ROBO2: variants seen among roughly 807,000 people sequenced by gnomAD.
ROBO2 encodes roundabout homolog 2.
In ROBO2, 53 loss-of-function variants were observed where a neutral mutation model predicts 160.8. That is an observed-to-expected ratio of 0.33 (90% CI 0.26 to 0.41). The LOEUF (loss-of-function observed/expected upper bound fraction) is 0.41. Among genes scored for constraint, ROBO2 ranks in the 10% least tolerant of loss-of-function variants. The pLI is 1.00. For missense variants in ROBO2, 1,577 were observed against 1,722.4 expected (o/e 0.92, Z 1.49); for synonymous variants, 664 against 611.7 (o/e 1.09, Z -1.26).
chr3:77,553,866 C>A (rs1362355846), intron 8 of ROBO2, among the ~76,000 whole-genome samples: 1 of 139,510 alleles, frequency 7.2e-6, no homozygotes, highest in Admixed American at 7.6e-5. Context: ...GGTAAAGCAT[C>A]AAGGGCTAAT....
rs139205125 is a variant in ROBO2, at chr3:76,223,045, G to A, written c.109+285443G>A. 5.3e-4 allele frequency among the ~76,000 whole-genome samples: 80 copies of A among 151,694 alleles called. No individual in the cohort carries two copies. The East Asian group carries it at 6.3e-3, about 12-fold the overall frequency. ...GCTGGTATTTCAGGCATGCGCCACCGCACGCAGCCCTTATCCCACAGTCTT... is the reference window on the plus strand; with the variant it reads ...GCTGGTATTTCAGGCATGCGCCACCACACGCAGCCCTTATCCCACAGTCTT... On this transcript the variant is annotated intron_variant, in intron 2 of 26. Coordinates refer to the ROBO2 transcript ENST00000487694.
intron 2 of ROBO2, among the ~76,000 whole-genome samples, chr3:76,045,318 ATTG>A (rs2067413077): frequency 6.6e-6 from 1 of 151,878 alleles, no homozygotes; most frequent in Non-Finnish European, 1.5e-5. Flanking sequence ...ATTTATTTTT[ATTG>A]TTGTGTTTTA....
chr3:77,357,019 C>T (rs893052213), intron 2 of ROBO2, among the ~76,000 whole-genome samples: 1 of 152,126 alleles, frequency 6.6e-6, no homozygotes, highest in Non-Finnish European at 1.5e-5. Flanking sequence ...GAACAGGGTG[C>T]TACCGTTGTG....
intron 2 of ROBO2, among the ~76,000 whole-genome samples, chr3:76,057,636 C>T (rs1317935996): frequency 1.3e-5 from 2 of 152,060 alleles, no homozygotes; most frequent in African/African-American, 4.8e-5. Flanking sequence ...TGGAGTAGAA[C>T]AGATTTATAG....
intron 2 of ROBO2, among the ~76,000 whole-genome samples, chr3:76,707,741 A>G (rs866175649): frequency 0.046 from 6,559 of 143,246 alleles, 457 homozygotes; most frequent in African/African-American, 0.15. Context: ...GTATATATAT[A>G]TATATATATA....
Position 76,907,907 on chromosome 3 carries a change from T to C in ROBO2, c.110-190107T>C, listed in dbSNP as rs2075722247. ...CAGGCTGCAGTGCACTGGCACGACC[T>C]CAGGTCACTATAACCTCCACCTCCC... is the stretch of plus-strand genomic sequence containing the variant. On this transcript the variant is annotated intron_variant, in intron 2 of 26. Transcript: ENST00000487694. Among the ~76,000 whole-genome samples the C allele has an allele frequency of 2.0e-5, 3 of 151,404 alleles. No individual in the cohort carries two copies. In the South Asian group the frequency reaches 6.3e-4, roughly 32 times the overall value.
intron 2 of ROBO2, among the ~76,000 whole-genome samples, chr3:76,381,581 C>A (rs1383717725): frequency 6.6e-6 from 1 of 152,104 alleles, no homozygotes; most frequent in Non-Finnish European, 1.5e-5. Context: ...AATCTCCTGA[C>A]TTCATGATCC....
chr3:76,518,154 A>G (rs2081429242), intron 2 of ROBO2, among the ~76,000 whole-genome samples: 1 of 152,144 alleles, frequency 6.6e-6, no homozygotes, highest in African/African-American at 2.4e-5. Flanking sequence ...AAACAGAAAC[A>G]ATAATGACAC....
chr3:76,407,933 AT>A (rs143970275), intron 2 of ROBO2, among the ~76,000 whole-genome samples: 31 of 150,966 alleles, frequency 2.1e-4, no homozygotes, highest in African/African-American at 6.3e-4. Flanking sequence ...TTCTTTTGTG[AT>A]TTTTTTTTGT....
intron 2 of ROBO2, among the ~76,000 whole-genome samples, chr3:76,356,519 A>C (rs149147908): frequency 2.6e-3 from 394 of 151,696 alleles, no homozygotes; most frequent in African/African-American, 8.6e-3. Context: ...AGGTATATGA[A>C]TACTTCAAGC....
chr3:76,335,770 G>T (rs2073846524), intron 2 of ROBO2, among the ~76,000 whole-genome samples: 1 of 151,864 alleles, frequency 6.6e-6, no homozygotes, highest in Non-Finnish European at 1.5e-5. Context: ...TAGAGACAGG[G>T]TTTCACCGTG....
chr3:77,014,721 A>C (rs909268890), intron 2 of ROBO2, among the ~76,000 whole-genome samples: 4 of 152,098 alleles, frequency 2.6e-5, no homozygotes, highest in Non-Finnish European at 5.9e-5. Context: ...GGACCACCTA[A>C]ATTTCACTCT....
chr3:76,693,282 AGTGT>A (rs1480544448), intron 2 of ROBO2, among the ~76,000 whole-genome samples: 1 of 149,790 alleles, frequency 6.7e-6, no homozygotes, highest in South Asian at 2.1e-4. Context: ...CTCTATATAT[AGTGT>A]GTATCTATAT....
intron 2 of ROBO2, among the ~76,000 whole-genome samples, chr3:77,215,966 C>T (rs1341898164): frequency 1.3e-5 from 2 of 152,108 alleles, no homozygotes; most frequent in Non-Finnish European, 2.9e-5. Context: ...AGTACCCAGC[C>T]GTGTGAGGTG....
chr3:76,256,924 AGAGAGT>A (rs1706429256), intron 2 of ROBO2, among the ~76,000 whole-genome samples: 1 of 151,968 alleles, frequency 6.6e-6, no homozygotes. Flanking sequence ...GGAGCAAGAG[AGAGAGT>A]GGGGCGGGGA....
chr3:76,871,075 C>T (rs567395948), intron 2 of ROBO2, among the ~76,000 whole-genome samples: 2 of 152,270 alleles, frequency 1.3e-5, no homozygotes, highest in Admixed American at 6.5e-5. Flanking sequence ...TTATACATAA[C>T]GTAGTGACTA....
rs138459211 is a variant in ROBO2 at position 76,566,426 on chromosome 3, C to T, written c.110-531588C>T. 1.8e-4 allele frequency among the ~76,000 whole-genome samples: 28 copies of T among 152,156 alleles called. No individual in the cohort carries two copies. The East Asian group carries it at 5.4e-3, about 29-fold the overall frequency. The stretch of plus-strand genomic sequence containing the variant: ...AGGGATTTCCTCGGGCTTCTGTGTC[C>T]CTTAGGCCTGAAATACTGTCTGGAA... On this transcript the variant is annotated intron_variant, in intron 2 of 26. Transcript: ENST00000487694.
intron 2 of ROBO2, among the ~76,000 whole-genome samples, chr3:77,023,291 C>A (rs919071034): frequency 6.6e-6 from 1 of 152,188 alleles, no homozygotes; most frequent in African/African-American, 2.4e-5. Flanking sequence ...GATTGTGAGG[C>A]CTCCCCAGCC....
chr3:76,286,383 G>A (rs2107686160), intron 2 of ROBO2, among the ~76,000 whole-genome samples: 1 of 152,250 alleles, frequency 6.6e-6, no homozygotes, highest in South Asian at 2.1e-4. Context: ...AAACTCTTGT[G>A]GGAAACTGAT....
Sources: gnomAD v4.1 joint callset for allele counts (sites outside exome capture counted in the v4.1 genomes callset) on GRCh38, gnomAD v4.1.1 for gene constraint, MANE v1.5 for transcripts, NCBI Gene and HGNC (gene_info 2026-07-23, HGNC 2026-07-21) for gene names.